ZNF627: variants seen among roughly 807,000 people sequenced by gnomAD.
ZNF627 encodes the protein zinc finger protein 627.
A neutral mutation model predicts 10.6 loss-of-function variants in ZNF627; 12 were observed. The observed-to-expected ratio is 1.13, with a 90% confidence interval of 0.73 to 1.84. The LOEUF is 1.84. ZNF627 is among the 40% of genes most tolerant of loss of function. The pLI is 0.00. For synonymous variants in ZNF627, 176 were observed against 187.1 expected (o/e 0.94, Z 0.48); for missense variants, 504 against 568.4 (o/e 0.89, Z 1.15).
At chr19:11,615,003 G>A in intron 3 of ZNF627, 116 bp downstream of exon 3, 1 of 834,650 alleles carries the variant, frequency 1.2e-6, no homozygotes, top group South Asian at 1.8e-5. Context: ...CTGGAGTGCA[G>A]TGGCACAATC....
chr19:11,607,230 A>G (rs28823955), intron 1 of ZNF627, among the ~76,000 whole-genome samples: 63,040 of 151,848 alleles, frequency 0.42, 13,363 homozygotes, highest in Non-Finnish European at 0.47. Context: ...TCCACCTCCC[A>G]GGATCAAGCG....
At chr19:11,615,557 G>A (rs1198655918) in intron 3 of ZNF627, among the ~76,000 whole-genome samples, 5 of 148,408 alleles carry the variant, frequency 3.4e-5, no homozygotes, top group Non-Finnish European at 7.5e-5. Context: ...GAGCCAAGAT[G>A]GCACCACTGC....
chr19:11,603,659 A>G (rs758143652), intron 1 of ZNF627, among the ~76,000 whole-genome samples: 4 of 151,982 alleles, frequency 2.6e-5, no homozygotes, highest in Non-Finnish European at 5.9e-5. Context: ...TCTATTTCAC[A>G]TAGCTGTGAA....
At chr19:11,597,657 A>C (rs558385144) in intron 1 of ZNF627, 27 bp downstream of exon 1, 4 of 1,337,974 alleles carry the variant, frequency 3.0e-6, no homozygotes, top group South Asian at 5.4e-5. Context: ...AGGCGTCCCC[A>C]GACCTGGGGG....
chr19:11,608,482 AT>A (rs1324820842), intron 1 of ZNF627, among the ~76,000 whole-genome samples: 2 of 152,212 alleles, frequency 1.3e-5, no homozygotes, highest in African/African-American at 4.8e-5. Flanking sequence ...ATAAATAACA[AT>A]TTTAAAGATT....
intron 1 of ZNF627, among the ~76,000 whole-genome samples, chr19:11,613,300 C>T (rs1973810806): frequency 7.0e-6 from 1 of 143,764 alleles, no homozygotes; most frequent in South Asian, 2.3e-4. Context: ...CATGAGCTAC[C>T]ATCCCTGGCC....
intron 1 of ZNF627, among the ~76,000 whole-genome samples, chr19:11,613,716 T>C (rs1340149203): frequency 6.6e-6 from 1 of 152,002 alleles, no homozygotes; most frequent in Non-Finnish European, 1.5e-5. Flanking sequence ...CCTACCCCTG[T>C]ACTGCTTCCC....
intron 1 of ZNF627, among the ~76,000 whole-genome samples, chr19:11,614,156 G>C (rs887510171): frequency 6.6e-6 from 1 of 151,962 alleles, no homozygotes; most frequent in African/African-American, 2.4e-5. Context: ...TCTTGACCTC[G>C]TGATCCACCC....
chr19:11,602,033 TG>T (rs1422941331), intron 1 of ZNF627, among the ~76,000 whole-genome samples: 5 of 142,506 alleles, frequency 3.5e-5, no homozygotes, highest in African/African-American at 1.3e-4. Flanking sequence ...AAAAAAAATC[TG>T]CAAGCATCTC....
rs187898367 is a variant in ZNF627 at position 11,617,082 on chromosome 19, A to G, written c.579A>G (p.Val193=). The change falls in exon 4 of 4, where the codon GTA becomes GTG. Residue 193 remains valine (V), a synonymous_variant. Coordinates refer to ENST00000361113, the MANE Select transcript of ZNF627 (RefSeq NM_145295.4). Reference sequence around the variant, plus strand: ...ACATGTTAACGCATAGGGGAGGTGTACCTTACAAATGTAAGGTGTGTGGGA... The same window carrying G: ...ACATGTTAACGCATAGGGGAGGTGTGCCTTACAAATGTAAGGTGTGTGGGA... ...RRHMLTHRGG[V]PYKCKVCGKA... 1 of 1,614,116 alleles carries G rather than the reference A, an allele frequency of 6.2e-7. No individual in the cohort carries two copies. Among genetic ancestry groups the G allele is most frequent in the Admixed American group, 1.7e-5 (1 of 60,012 alleles).
intron 1 of ZNF627, among the ~76,000 whole-genome samples, chr19:11,609,435 C>T (rs1329838652): frequency 8.7e-6 from 1 of 114,498 alleles, no homozygotes; most frequent in Non-Finnish European, 2.0e-5. Context: ...TTGCATCTTC[C>T]AGATCCGTAC....
chr19:11,603,107 A>G (rs1201544160), intron 1 of ZNF627, among the ~76,000 whole-genome samples: 1 of 152,122 alleles, frequency 6.6e-6, no homozygotes, highest in East Asian at 1.9e-4. Context: ...TATGCCAAAA[A>G]GAGTTTTTTT....
rs2145143843 is a variant in ZNF627 at position 11,617,372 on chromosome 19, G to A, written c.869G>A (p.Cys290Tyr). The A allele has an allele frequency of 1.2e-6, 2 of 1,613,986 alleles. No individual in the cohort carries two copies. The highest frequency in any genetic ancestry group is 1.1e-5 in the South Asian group (1 of 91,088). ...AAACAGTGCGGTAAAGCCTTTAGGT[G>A]CGCCAGTTCTGTTCGAAGTCACGAG... The part of the protein sequence containing the change: ...ECKQCGKAFR[C>Y]ASSVRSHERT... Residue 290 changes from cysteine to tyrosine, a missense_variant, in exon 4 of 4, where the codon TGC becomes TAC. Transcript: ENST00000361113.
At chr19:11,598,819 C>A (rs1260504959) in intron 1 of ZNF627, among the ~76,000 whole-genome samples, 1 of 152,122 alleles carries the variant, frequency 6.6e-6, no homozygotes, top group African/African-American at 2.4e-5. Context: ...ATGTATGAGA[C>A]CCTGCTGTGA....
At chr19:11,614,403 A>G in intron 1 of ZNF627, 124 bp from the exon 2 acceptor site, 1 of 1,464,694 alleles carries the variant, frequency 6.8e-7, no homozygotes, top group Non-Finnish European at 9.3e-7. Flanking sequence ...AAGTTTGATG[A>G]CTGTGGAATC....
chr19:11,614,674 T>C, intron 2 of ZNF627, 21 bp downstream of exon 2: 1 of 1,613,676 alleles, frequency 6.2e-7, no homozygotes, highest in Non-Finnish European at 8.5e-7. Flanking sequence ...CAATATTCCT[T>C]TCCTCAGTGA....
chr19:11,601,470 C>T (rs996924948), intron 1 of ZNF627, among the ~76,000 whole-genome samples: 8 of 151,986 alleles, frequency 5.3e-5, no homozygotes. Context: ...CTCCCAAGTA[C>T]CTAGGACTAA....
chr19:11,605,713 G>A (rs1341654854), intron 1 of ZNF627, among the ~76,000 whole-genome samples: 1 of 152,090 alleles, frequency 6.6e-6, no homozygotes, highest in African/African-American at 2.4e-5. Context: ...GGAGATTTGG[G>A]TGGGGACACA....
intron 1 of ZNF627, among the ~76,000 whole-genome samples, chr19:11,603,251 T>C (rs1343661465): frequency 6.6e-6 from 1 of 151,840 alleles, no homozygotes; most frequent in African/African-American, 2.4e-5. Context: ...CAATCCTAAC[T>C]GTATTTTGTA....
Sources: allele counts gnomAD v4.1 joint callset (sites outside exome capture counted in the v4.1 genomes callset), GRCh38; gene constraint gnomAD v4.1.1; transcripts MANE v1.5; gene names NCBI Gene and HGNC (gene_info 2026-07-23, HGNC 2026-07-21).